CBFA2T3: variants seen among roughly 807,000 people sequenced by gnomAD.
CBFA2T3 encodes the protein CBFA2/RUNX1 partner transcriptional co-repressor 3.
In CBFA2T3, 31 loss-of-function variants were observed where a neutral mutation model predicts 58.6. The ratio of observed to expected loss-of-function variants is 0.53; its 90% CI spans 0.40 to 0.71. CBFA2T3 has a LOEUF of 0.71. CBFA2T3 is among the 30% of genes least tolerant of loss of function. The pLI, the probability that CBFA2T3 is intolerant of heterozygous loss-of-function variation, is 0.00. For missense variants in CBFA2T3, 1,076 were observed against 963.1 expected, an observed-to-expected ratio of 1.12 and a Z score of -1.55; for synonymous variants, 531 against 421.9, an observed-to-expected ratio of 1.26 and a Z score of -3.17.
In CBFA2T3 at chr16:88,881,502, G is replaced by A. The variant is rs201472610; in HGVS notation, c.1204-13C>T. On this transcript the variant is annotated splice_polypyrimidine_tract_variant and intron_variant, in intron 8 of 11. Coordinates refer to ENST00000268679, the MANE Select transcript of CBFA2T3 (RefSeq NM_005187.6). Reference sequence around the variant, plus strand: ...TGCAGTTCAGGAGCTGGGGGCGGGCGGCGCAGCCTTCAGCACCTCAGAGGG... The same window carrying A: ...TGCAGTTCAGGAGCTGGGGGCGGGCAGCGCAGCCTTCAGCACCTCAGAGGG... 1.8e-5 allele frequency: 28 copies of A among 1,596,160 alleles called. No individual in the cohort carries two copies. The highest frequency in any genetic ancestry group is 1.6e-4 in the African/African-American group (12 of 74,652).
At chr16:88,912,699 T>C (rs1970568956) in intron 1 of CBFA2T3, among the ~76,000 whole-genome samples, 1 of 152,190 alleles carries the variant, frequency 6.6e-6, no homozygotes, top group African/African-American at 2.4e-5. Context: ...CCGTAAAGGT[T>C]TGCTGACTGG....
At chr16:88,912,815 TCGAG>T (rs1418877427) in intron 1 of CBFA2T3, among the ~76,000 whole-genome samples, 5 of 152,218 alleles carry the variant, frequency 3.3e-5, no homozygotes, top group Non-Finnish European at 7.3e-5. Context: ...TGGGCTTGAA[TCGAG>T]GCCTGTCCCC....
At chr16:88,974,771 C>T (rs1271597733) in intron 1 of CBFA2T3, among the ~76,000 whole-genome samples, 3 of 152,074 alleles carry the variant, frequency 2.0e-5, no homozygotes, top group African/African-American at 7.2e-5. Context: ...TTCCCATGCC[C>T]CCCATGGCCC....
chr16:88,928,958 CAG>C (rs1971179973), intron 1 of CBFA2T3, among the ~76,000 whole-genome samples: 1 of 152,164 alleles, frequency 6.6e-6, no homozygotes, highest in Non-Finnish European at 1.5e-5. Context: ...CAAGGCGGAG[CAG>C]AGTGGGTGGT....
intron 1 of CBFA2T3, among the ~76,000 whole-genome samples, chr16:88,968,951 A>C (rs1027834053): frequency 4.6e-5 from 7 of 152,114 alleles, no homozygotes; most frequent in Non-Finnish European, 1.0e-4. Flanking sequence ...CAGGCCTCAC[A>C]CAAATCGGGG....
At chr16:88,935,910 T>C (rs1016654935) in intron 1 of CBFA2T3, among the ~76,000 whole-genome samples, 1 of 152,140 alleles carries the variant, frequency 6.6e-6, no homozygotes, top group African/African-American at 2.4e-5. Context: ...GAATATGTGG[T>C]GTAGGTCACG....
chr16:88,921,607 G>A (rs375239429), intron 1 of CBFA2T3, among the ~76,000 whole-genome samples: 2 of 148,624 alleles, frequency 1.3e-5, no homozygotes, highest in African/African-American at 2.4e-5. Context: ...GGGGAGGGAG[G>A]GGGGGCGGTT....
rs1031901267 is a variant in CBFA2T3, at chr16:88,876,908, A to G, written c.*68T>C. The G allele has an allele frequency of 7.1e-5, 87 of 1,231,576 alleles. 1 individual carries two copies. In the Admixed American group the frequency reaches 3.0e-3, roughly 43 times the overall value. The allele number at this position is 1,231,576 out of a possible 1,614,324, so 76.3% of individuals were successfully genotyped here. On this transcript the variant is annotated 3_prime_UTR_variant, in exon 12 of 12. Transcript: ENST00000268679. ...CCAGGCATCGGAGGCCAGGCACAGC[A>G]TCCGGTGGGCCTGGAGCTGGGTGGG...
intron 1 of CBFA2T3, among the ~76,000 whole-genome samples, chr16:88,959,243 A>G (rs941016347): frequency 1.3e-5 from 2 of 152,198 alleles, no homozygotes; most frequent in African/African-American, 4.8e-5. Context: ...CGCTACATGG[A>G]CAGTCACATG....
At chr16:88,959,446 G>A (rs909632702) in intron 1 of CBFA2T3, among the ~76,000 whole-genome samples, 2 of 152,190 alleles carry the variant, frequency 1.3e-5, no homozygotes, top group African/African-American at 4.8e-5. Context: ...GAGGAGGCCC[G>A]GGCACCAAGG....
chr16:88,908,288 G>A (rs1451119453), intron 1 of CBFA2T3, among the ~76,000 whole-genome samples: 1 of 151,734 alleles, frequency 6.6e-6, no homozygotes, highest in Non-Finnish European at 1.5e-5. Context: ...GTTGCCATGA[G>A]CCGAATTCGT....
chr16:88,880,606 A>G, intron 10 of CBFA2T3, 114 bp downstream of exon 10: 1 of 870,196 alleles, frequency 1.1e-6, no homozygotes, highest in Non-Finnish European at 1.8e-6. Context: ...AAAGCCTTGT[A>G]GCCTGAGCCC....
chr16:88,879,436 C>T lies in CBFA2T3; in HGVS notation c.1496G>A (p.Arg499Gln), dbSNP rs761802573. The change falls in exon 11 of 12, where the codon CGG (arginine) becomes CAG (glutamine). Residue 499 changes from arginine to glutamine, a missense_variant. By Grantham distance (43) the Arg-to-Gln change is conservative. Transcript: ENST00000268679. ...KAEEAVNEVK[R>Q]QAMSELQKAV... Reference sequence around the variant, plus strand: ...TTTCTGCAGCTCCGACATGGCCTGCCGCTTCACCTCATTCACGGCCTCTTC... The same window carrying T: ...TTTCTGCAGCTCCGACATGGCCTGCTGCTTCACCTCATTCACGGCCTCTTC... 4.5e-5 allele frequency: 72 copies of T among 1,612,382 alleles called. No individual in the cohort carries two copies. In the South Asian group the frequency reaches 5.4e-4, roughly 12 times the overall value.
intron 2 of CBFA2T3, among the ~76,000 whole-genome samples, chr16:88,899,334 G>A (rs1364329986): frequency 2.1e-5 from 3 of 140,270 alleles, no homozygotes; most frequent in South Asian, 2.1e-4. Flanking sequence ...TGTGGATTAG[G>A]GGATAAATCT....
At chr16:88,923,948 C>T (rs1276809559) in intron 1 of CBFA2T3, among the ~76,000 whole-genome samples, 2 of 152,234 alleles carry the variant, frequency 1.3e-5, no homozygotes, top group Admixed American at 6.5e-5. Context: ...GCAAGGACCA[C>T]GAAGACCCTG....
intron 3 of CBFA2T3, among the ~76,000 whole-genome samples, chr16:88,893,647 G>A (rs1969743522): frequency 6.6e-6 from 1 of 152,224 alleles, no homozygotes; most frequent in Non-Finnish European, 1.5e-5. Flanking sequence ...AACAGCTGAT[G>A]AGCGCGCTGC....
In CBFA2T3 at chr16:88,952,941, ACG is replaced by A. The variant is rs1972116826; in HGVS notation, c.151+23714_151+23715del. Among the ~76,000 whole-genome samples, 2 of 131,940 alleles carry A rather than the reference ACG, an allele frequency of 1.5e-5. 1 individual carries two copies. The highest frequency in any genetic ancestry group is 3.2e-5 in the Non-Finnish European group (2 of 62,736). The allele number at this position is 131,940 out of a possible 152,430, so 86.6% of individuals were successfully genotyped here. A position where few individuals can be genotyped will look rare whatever the true frequency, so the allele number is the denominator to read the frequency against. On this transcript the variant is annotated intron_variant, in intron 1 of 11. Coordinates refer to ENST00000268679, the MANE Select transcript of CBFA2T3 (RefSeq NM_005187.6). The stretch of plus-strand genomic sequence containing the variant: ...TCGAGACGGCATGTCCAGGACCCCC[ACG>A]CAGGGCCTGTGTCGAGACGGCATGT...
chr16:88,879,799 C>T, intron 10 of CBFA2T3: 1 of 281,310 alleles, frequency 3.6e-6, no homozygotes. Context: ...CACTGCACCC[C>T]TGCAGGGCAA....
rs147221198 is a variant in CBFA2T3 at position 88,891,915 on chromosome 16, G to C, written c.678C>G (p.Phe226Leu). 3.3e-4 allele frequency: 538 copies of C among 1,613,362 alleles called. No individual in the cohort carries two copies. Among genetic ancestry groups the C allele is most frequent in the Non-Finnish European group, 2.7e-4 (320 of 1,179,806 alleles). The change falls in exon 5 of 12, where the codon TTC becomes TTG. Residue 226 changes from phenylalanine to leucine, a missense_variant. Physicochemically the swap from Phe to Leu is conservative, Grantham distance 22 (BLOSUM62 0). Transcript: ENST00000268679. ...AGGGAATGACAAACGGCCGCAGAGG[G>C]AAGTTGGTGGCCTCCTGAAGCTTGG... ...FHSKLQEATN[F>L]PLRPFVIPFL...
Sources: gnomAD v4.1 joint callset for allele counts (sites outside exome capture counted in the v4.1 genomes callset) on GRCh38, gnomAD v4.1.1 for gene constraint, MANE v1.5 for transcripts, NCBI Gene and HGNC (gene_info 2026-07-23, HGNC 2026-07-21) for gene names.